GPR158: variants seen among roughly 807,000 people sequenced by gnomAD.
GPR158 encodes G protein-coupled receptor 158.
A neutral mutation model predicts 78.2 loss-of-function variants in GPR158; 30 were observed. That is an observed-to-expected ratio of 0.38 (90% CI 0.29 to 0.52). The LOEUF (loss-of-function observed/expected upper bound fraction) is 0.52, where lower values mean the gene tolerates loss of function less well. GPR158 is among the 20% of genes least tolerant of loss of function. The probability of loss-of-function intolerance (pLI) is 0.83; values close to 1 mark genes in which losing one functional copy is unlikely to be tolerated. For missense variants in GPR158, 1,463 were observed against 1,523.5 expected, an observed-to-expected ratio of 0.96 and a Z score of 0.66; for synonymous variants, 581 against 591.1, an observed-to-expected ratio of 0.98 and a Z score of 0.25.
At chr10:25,280,342 A>G (rs1257088223) in intron 2 of GPR158, among the ~76,000 whole-genome samples, 1 of 152,238 alleles carries the variant, frequency 6.6e-6, no homozygotes, top group African/African-American at 2.4e-5. Context: ...GTCAATAAAA[A>G]TAGACTTGAA....
chr10:25,288,798 A>C lies in GPR158; in HGVS notation c.1008+67641A>C, dbSNP rs116296668. On this transcript the variant is annotated intron_variant, in intron 2 of 10. Coordinates refer to ENST00000376351, the MANE Select transcript of GPR158 (RefSeq NM_020752.3). ...GATTGTAGAAGCCATTTGTTCTGCT[A>C]AGCTTTAAAAATAATAACTCTTGCT... 9.9e-3 allele frequency among the ~76,000 whole-genome samples: 1,501 copies of C among 152,314 alleles called. 43 individuals are homozygous for C. Among genetic ancestry groups the C allele is most frequent in the African/African-American group, 0.035 (1,443 of 41,566 alleles).
At chr10:25,274,204 A>T (rs143150227) in intron 2 of GPR158, among the ~76,000 whole-genome samples, 132 of 152,294 alleles carry the variant, frequency 8.7e-4, no homozygotes, top group African/African-American at 3.1e-3. Flanking sequence ...CTTTCTAAAC[A>T]TTTGTCTTTA....
intron 5 of GPR158, among the ~76,000 whole-genome samples, chr10:25,472,351 T>C (rs1835519293): frequency 6.6e-6 from 1 of 152,152 alleles, no homozygotes; most frequent in African/African-American, 2.4e-5. Context: ...TACCATGCTG[T>C]TTTGGTTACT....
At chr10:25,312,192 T>C (rs531376744) in intron 2 of GPR158, among the ~76,000 whole-genome samples, 8 of 152,186 alleles carry the variant, frequency 5.3e-5, no homozygotes, top group African/African-American at 1.9e-4. Flanking sequence ...GAGGACTTGT[T>C]GGACCATGTT....
intron 5 of GPR158, among the ~76,000 whole-genome samples, chr10:25,499,355 G>A (rs1222060901): frequency 6.6e-6 from 1 of 152,166 alleles, no homozygotes; most frequent in Non-Finnish European, 1.5e-5. Context: ...CTCCTGATGA[G>A]TGGTTAACCC....
chr10:25,250,633 T>C lies in GPR158; in HGVS notation c.1008+29476T>C, dbSNP rs999603630. Among the ~76,000 whole-genome samples the C allele has an allele frequency of 2.0e-3, 298 of 150,142 alleles. 2 individuals are homozygous for C. In the South Asian group the frequency reaches 0.035, roughly 18 times the overall value. On this transcript the variant is annotated intron_variant, in intron 2 of 10. Coordinates refer to ENST00000376351, the MANE Select transcript of GPR158 (RefSeq NM_020752.3). ...TGTAGTTGAGCGGCTTTGAGTGAGA[T>C]TCTTAATCCTGAGTTCTAGTTTGAT...
At chr10:25,565,476 A>G (rs1836917385) in intron 6 of GPR158, among the ~76,000 whole-genome samples, 1 of 152,002 alleles carries the variant, frequency 6.6e-6, no homozygotes, top group South Asian at 2.1e-4. Context: ...ATAGGAAAGT[A>G]GAGGGATTGT....
chr10:25,218,453 C>G (rs1853250126), intron 1 of GPR158, among the ~76,000 whole-genome samples: 1 of 152,138 alleles, frequency 6.6e-6, no homozygotes, highest in Non-Finnish European at 1.5e-5. Flanking sequence ...TTTTTATTTT[C>G]CAAGTTAGCC....
At chr10:25,521,348 G>A (rs980766137) in intron 5 of GPR158, among the ~76,000 whole-genome samples, 1 of 152,182 alleles carries the variant, frequency 6.6e-6, no homozygotes, top group African/African-American at 2.4e-5. Flanking sequence ...GCTGGGAGCT[G>A]TAGGCCGGAG....
chr10:25,362,775 G>T (rs1375811274), intron 2 of GPR158, among the ~76,000 whole-genome samples: 3 of 151,794 alleles, frequency 2.0e-5, no homozygotes, highest in African/African-American at 7.2e-5. Flanking sequence ...ACTGATTTCT[G>T]TGTGTTGATT....
chr10:25,381,578 T>A (rs970204773), intron 2 of GPR158, among the ~76,000 whole-genome samples: 1 of 152,180 alleles, frequency 6.6e-6, no homozygotes, highest in South Asian at 2.1e-4. Context: ...TGGACAAATA[T>A]TGAAATTAAT....
intron 5 of GPR158, among the ~76,000 whole-genome samples, chr10:25,509,699 G>C (rs1836058306): frequency 6.6e-6 from 1 of 152,132 alleles, no homozygotes; most frequent in Non-Finnish European, 1.5e-5. Flanking sequence ...AAGCTGTATT[G>C]CCTTTTATTT....
chr10:25,185,123 C>T (rs1852663508), intron 1 of GPR158, among the ~76,000 whole-genome samples: 1 of 152,178 alleles, frequency 6.6e-6, no homozygotes, highest in Non-Finnish European at 1.5e-5. Context: ...GGCAAAACTG[C>T]CTCTGGTTGA....
At chr10:25,467,136 T>G (rs1835436246) in intron 5 of GPR158, among the ~76,000 whole-genome samples, 1 of 152,078 alleles carries the variant, frequency 6.6e-6, no homozygotes, top group Non-Finnish European at 1.5e-5. Flanking sequence ...GGCAGGACAA[T>G]TTGAAGTGTG....
At chr10:25,453,391 TTTC>T (rs1374120795) in intron 4 of GPR158, among the ~76,000 whole-genome samples, 2 of 152,200 alleles carry the variant, frequency 1.3e-5, no homozygotes, top group African/African-American at 4.8e-5. Flanking sequence ...ATACTTGTTA[TTTC>T]TTGTCTTTTT....
chr10:25,328,992 C>T (rs1370453566), intron 2 of GPR158, among the ~76,000 whole-genome samples: 1 of 149,780 alleles, frequency 6.7e-6, no homozygotes, highest in African/African-American at 2.5e-5. Flanking sequence ...TTATACATCT[C>T]AGTTTAGTAA....
intron 2 of GPR158, among the ~76,000 whole-genome samples, chr10:25,316,099 T>C (rs1421376606): frequency 6.6e-6 from 1 of 152,208 alleles, no homozygotes; most frequent in Non-Finnish European, 1.5e-5. Flanking sequence ...AGAAGTGTGA[T>C]GTCAGTCTAA....
chr10:25,555,455 G>A (rs1373470880), intron 6 of GPR158, among the ~76,000 whole-genome samples: 1 of 152,160 alleles, frequency 6.6e-6, no homozygotes, highest in Non-Finnish European at 1.5e-5. Context: ...GTTTGACTTA[G>A]TATATACTGA....
At chr10:25,550,902 G>A in intron 5 of GPR158, 74 bp from the exon 6 acceptor site, 1 of 786,278 alleles carries the variant, frequency 1.3e-6, no homozygotes, top group Non-Finnish European at 2.3e-6. Context: ...TGAAACATCA[G>A]GTTATGAGAT....
Sources: allele counts gnomAD v4.1 joint callset (sites outside exome capture counted in the v4.1 genomes callset), GRCh38; gene constraint gnomAD v4.1.1; transcripts MANE v1.5; gene names NCBI Gene and HGNC (gene_info 2026-07-23, HGNC 2026-07-21).